SLC24A2: variants seen among roughly 807,000 people sequenced by gnomAD.
The protein encoded by SLC24A2 is solute carrier family 24 member 2, also known as sodium/potassium/calcium exchanger 2.
In SLC24A2, 36 loss-of-function variants were observed where a neutral mutation model predicts 62.0. The ratio of observed to expected loss-of-function variants is 0.58; its 90% CI spans 0.44 to 0.77. SLC24A2 has a LOEUF of 0.77. Ranked by LOEUF, SLC24A2 falls within the 30% of genes least tolerant of loss-of-function variation. The pLI, the probability that SLC24A2 is intolerant of heterozygous loss-of-function variation, is 0.00. For missense variants in SLC24A2, 846 were observed against 817.9 expected, an observed-to-expected ratio of 1.03 and a Z score of -0.42; for synonymous variants, 358 against 294.0, an observed-to-expected ratio of 1.22 and a Z score of -2.23.
intron 7 of SLC24A2, among the ~76,000 whole-genome samples, chr9:19,570,802 T>C (rs971861935): frequency 5.3e-5 from 8 of 152,218 alleles, no homozygotes; most frequent in African/African-American, 1.9e-4. Context: ...CTGGTGGATC[T>C]AGAATTCACT....
At chr9:19,801,744 G>C in the SLC24A2 span, among the ~76,000 whole-genome samples, 7 of 152,194 alleles carry the variant, frequency 4.6e-5, no homozygotes, top group African/African-American at 1.7e-4. Flanking sequence ...TTTAAAGGTG[G>C]AAGTGGTCAC....
the SLC24A2 span, among the ~76,000 whole-genome samples, chr9:19,921,493 C>T: frequency 7.1e-6 from 1 of 140,170 alleles, no homozygotes; most frequent in Non-Finnish European, 1.5e-5. Flanking sequence ...TGTCTCCAGC[C>T]TGGGCGACAG....
chr9:20,015,380 G>A, the SLC24A2 span, among the ~76,000 whole-genome samples: 1 of 152,192 alleles, frequency 6.6e-6, no homozygotes, highest in Non-Finnish European at 1.5e-5. Flanking sequence ...ATCTGACCCA[G>A]GAGTTAATTG....
At chr9:19,760,283 A>G (rs1822279568) in intron 2 of SLC24A2, among the ~76,000 whole-genome samples, 1 of 152,166 alleles carries the variant, frequency 6.6e-6, no homozygotes, top group South Asian at 2.1e-4. Flanking sequence ...ACAACGCACC[A>G]GTAATTCTCC....
the SLC24A2 span, among the ~76,000 whole-genome samples, chr9:20,176,048 C>A: frequency 6.6e-6 from 1 of 152,006 alleles, no homozygotes; most frequent in Non-Finnish European, 1.5e-5. Flanking sequence ...TAGAGAGGTA[C>A]TGACCAGTCT....
At chr9:19,891,108 C>G in the SLC24A2 span, among the ~76,000 whole-genome samples, 3 of 152,202 alleles carry the variant, frequency 2.0e-5, no homozygotes, top group Admixed American at 6.5e-5. Flanking sequence ...TTCTCTCCTT[C>G]CAAAATATGT....
At chr9:20,052,968 A>G in the SLC24A2 span, among the ~76,000 whole-genome samples, 1 of 152,214 alleles carries the variant, frequency 6.6e-6, no homozygotes, top group African/African-American at 2.4e-5. Flanking sequence ...AATCAGAAAC[A>G]TATGGATTTC....
At chr9:20,173,948 T>A in the SLC24A2 span, among the ~76,000 whole-genome samples, 1 of 152,094 alleles carries the variant, frequency 6.6e-6, no homozygotes, top group Non-Finnish European at 1.5e-5. Flanking sequence ...AATTTCAAAC[T>A]ATACTAGAAA....
intron 8 of SLC24A2, among the ~76,000 whole-genome samples, chr9:19,539,439 T>G (rs1834146335): frequency 6.6e-6 from 1 of 151,906 alleles, no homozygotes; most frequent in South Asian, 2.1e-4. Flanking sequence ...AACATCTTTA[T>G]TTCTGCCTTC....
chr9:19,771,580 A>G (rs1342950795), intron 2 of SLC24A2, among the ~76,000 whole-genome samples: 2 of 152,200 alleles, frequency 1.3e-5, no homozygotes, highest in Admixed American at 1.3e-4. Flanking sequence ...CAGGGCCACA[A>G]AACTCCATCC....
intron 4 of SLC24A2, among the ~76,000 whole-genome samples, chr9:19,606,320 C>T (rs1836982576): frequency 6.6e-6 from 1 of 152,120 alleles, no homozygotes; most frequent in Non-Finnish European, 1.5e-5. Flanking sequence ...TAACTCCTGC[C>T]AATACTGGTT....
the SLC24A2 span, among the ~76,000 whole-genome samples, chr9:20,024,350 C>T: frequency 5.9e-5 from 9 of 152,178 alleles, no homozygotes; most frequent in Non-Finnish European, 1.2e-4. Context: ...CTCACATCCA[C>T]AAACATACAC....
At chr9:19,929,407 T>C in the SLC24A2 span, 1 of 152,210 alleles carries the variant, frequency 6.6e-6, no homozygotes, top group African/African-American at 2.4e-5. Flanking sequence ...TATACAATCA[T>C]GCACTGCATA....
intron 2 of SLC24A2, among the ~76,000 whole-genome samples, chr9:19,634,518 C>T (rs1034885938): frequency 5.3e-5 from 8 of 152,186 alleles, no homozygotes; most frequent in Middle Eastern, 3.4e-3. Flanking sequence ...AAACTCCCAA[C>T]CTCAGGTGAT....
chr9:20,110,954 T>G, the SLC24A2 span, among the ~76,000 whole-genome samples: 21 of 152,196 alleles, frequency 1.4e-4, no homozygotes, highest in African/African-American at 4.6e-4. Flanking sequence ...ACTTTTTTTC[T>G]TGGTAGTATG....
the SLC24A2 span, among the ~76,000 whole-genome samples, chr9:19,936,499 C>T: frequency 3.3e-5 from 5 of 152,248 alleles, no homozygotes; most frequent in African/African-American, 2.4e-5. Flanking sequence ...TTCTCAAACT[C>T]GCGTGCTCAA....
the SLC24A2 span, among the ~76,000 whole-genome samples, chr9:20,076,666 G>A: frequency 4.6e-5 from 7 of 151,928 alleles, no homozygotes; most frequent in Non-Finnish European, 5.9e-5. Flanking sequence ...CCTAGGAAAC[G>A]AATACAGAGA....
intron 2 of SLC24A2, among the ~76,000 whole-genome samples, chr9:19,707,748 T>C (rs1177431135): frequency 3.9e-5 from 6 of 152,142 alleles, no homozygotes; most frequent in East Asian, 3.9e-4. Context: ...ATTGATGGGA[T>C]GTATCTCAAA....
intron 7 of SLC24A2, among the ~76,000 whole-genome samples, chr9:19,556,037 G>A (rs963831205): frequency 7.2e-5 from 11 of 152,254 alleles, no homozygotes; most frequent in East Asian, 5.8e-4. Flanking sequence ...TATCAATACC[G>A]AACATTGAAA....
Sources: gnomAD v4.1 joint callset for allele counts (sites outside exome capture counted in the v4.1 genomes callset) on GRCh38, gnomAD v4.1.1 for gene constraint, MANE v1.5 for transcripts, NCBI Gene and HGNC (gene_info 2026-07-23, HGNC 2026-07-21) for gene names.